ENTREP2: variants seen among roughly 807,000 people sequenced by gnomAD.
ENTREP2 encodes the protein endosomal transmembrane epsin interactor 2.
At chr15:29,549,292 C>T in the ENTREP2 span, among the ~76,000 whole-genome samples, 9 of 130,872 alleles carry the variant, frequency 6.9e-5, no homozygotes, top group East Asian at 2.2e-4. Flanking sequence ...TTTTTTGAGA[C>T]GGAGTCTCAC....
At chr15:29,655,919 G>C in the ENTREP2 span, among the ~76,000 whole-genome samples, 1 of 151,504 alleles carries the variant, frequency 6.6e-6, no homozygotes, top group Non-Finnish European at 1.5e-5. Flanking sequence ...CAGCTACTCA[G>C]GATGCTGAGG....
chr15:29,401,175 G>A, the ENTREP2 span, among the ~76,000 whole-genome samples: 33 of 151,972 alleles, frequency 2.2e-4, no homozygotes, highest in African/African-American at 7.7e-4. Context: ...GGTTTTTAAT[G>A]TAGCATTATT....
chr15:29,378,658 C>T, the ENTREP2 span, among the ~76,000 whole-genome samples: 9 of 152,280 alleles, frequency 5.9e-5, no homozygotes, highest in East Asian at 1.4e-3. Flanking sequence ...CTCCAGCCTG[C>T]GGGCCAGCAC....
the ENTREP2 span, among the ~76,000 whole-genome samples, chr15:29,656,033 A>G: frequency 6.6e-6 from 1 of 151,204 alleles, no homozygotes; most frequent in African/African-American, 2.4e-5. Context: ...AAAAAAAAAA[A>G]AAAAAAAAAA....
chr15:29,519,969 C>G, the ENTREP2 span, among the ~76,000 whole-genome samples: 46 of 152,242 alleles, frequency 3.0e-4, no homozygotes, highest in Non-Finnish European at 6.0e-4. Flanking sequence ...ACCTTGTGAC[C>G]CCCGCCCCTG....
At chr15:29,580,151 C>T in the ENTREP2 span, among the ~76,000 whole-genome samples, 1 of 152,070 alleles carries the variant, frequency 6.6e-6, no homozygotes, top group Non-Finnish European at 1.5e-5. Flanking sequence ...CTAGCCTGGC[C>T]TTTGGTTTCT....
the ENTREP2 span, among the ~76,000 whole-genome samples, chr15:29,516,750 C>G: frequency 9.2e-5 from 14 of 152,128 alleles, 1 homozygote; most frequent in East Asian, 2.7e-3. Context: ...TTTCTCTATT[C>G]TTTTCTGGGC....
chr15:29,388,792 G>A, the ENTREP2 span, among the ~76,000 whole-genome samples: 3 of 152,052 alleles, frequency 2.0e-5, no homozygotes, highest in Non-Finnish European at 4.4e-5. Context: ...CCATAAAAAA[G>A]GATGAGTTCA....
chr15:29,499,060 G>A, the ENTREP2 span, among the ~76,000 whole-genome samples: 1 of 152,028 alleles, frequency 6.6e-6, no homozygotes, highest in Admixed American at 6.5e-5. Flanking sequence ...ATTTTCTTAC[G>A]GCAGCATATA....
chr15:29,439,224 G>A, the ENTREP2 span, among the ~76,000 whole-genome samples: 2 of 151,646 alleles, frequency 1.3e-5, no homozygotes, highest in Non-Finnish European at 2.9e-5. Context: ...GGTAGGGGCA[G>A]GGAAAGCATC....
the ENTREP2 span, among the ~76,000 whole-genome samples, chr15:29,363,400 T>C: frequency 6.6e-6 from 1 of 152,212 alleles, no homozygotes; most frequent in East Asian, 1.9e-4. Flanking sequence ...TAAATTTTTT[T>C]CCACAGAATA....
chr15:29,227,253 A>G, the ENTREP2 span, among the ~76,000 whole-genome samples: 3 of 152,218 alleles, frequency 2.0e-5, no homozygotes, highest in Admixed American at 1.3e-4. Context: ...GAATTCAGCC[A>G]GGGGCCCTTC....
chr15:29,433,994 A>G, the ENTREP2 span, among the ~76,000 whole-genome samples: 7 of 152,004 alleles, frequency 4.6e-5, no homozygotes, highest in African/African-American at 1.7e-4. Flanking sequence ...TACATTGTCA[A>G]TTTGTTTGTC....
At chr15:29,443,219 T>C in the ENTREP2 span, among the ~76,000 whole-genome samples, 1 of 152,126 alleles carries the variant, frequency 6.6e-6, no homozygotes, top group Non-Finnish European at 1.5e-5. Flanking sequence ...AGCCTCCTTG[T>C]CCCACATGTA....
At chr15:29,269,700 C>T in the ENTREP2 span, 1 of 1,537,424 alleles carries the variant, frequency 6.5e-7, no homozygotes, top group Non-Finnish European at 8.7e-7. Context: ...TCGGTTTTTG[C>T]AACATGTCTC....
chr15:29,337,434 T>C, the ENTREP2 span, among the ~76,000 whole-genome samples: 1 of 152,310 alleles, frequency 6.6e-6, no homozygotes, highest in African/African-American at 2.4e-5. Context: ...CCCCTACTGA[T>C]TGACTGGTGA....
the ENTREP2 span, among the ~76,000 whole-genome samples, chr15:29,536,705 A>T: frequency 6.6e-6 from 1 of 152,188 alleles, no homozygotes; most frequent in African/African-American, 2.4e-5. Flanking sequence ...TAACCAAATT[A>T]AGATGAGGTC....
At chr15:29,458,081 T>A in the ENTREP2 span, among the ~76,000 whole-genome samples, 1 of 152,156 alleles carries the variant, frequency 6.6e-6, no homozygotes, top group Admixed American at 6.5e-5. Context: ...TGAGAAGTCT[T>A]ATGATCTGCT....
the ENTREP2 span, among the ~76,000 whole-genome samples, chr15:29,232,664 A>ATTGTTTGT: frequency 2.2e-4 from 33 of 150,182 alleles, no homozygotes; most frequent in East Asian, 8.0e-4. Flanking sequence ...GCCTAATTAA[A>ATTGTTTGT]TTGTTTGTTT....
Sources: gnomAD v4.1 joint callset for allele counts (sites outside exome capture counted in the v4.1 genomes callset) on GRCh38, gnomAD v4.1.1 for gene constraint, MANE v1.5 for transcripts, NCBI Gene and HGNC (gene_info 2026-07-23, HGNC 2026-07-21) for gene names.